The following PLD5 variants were observed in gnomAD, a reference collection of about 807,000 sequenced individuals.
The protein encoded by PLD5 is inactive phospholipase D5.
In PLD5, 36 loss-of-function variants were observed where a neutral mutation model predicts 61.1. The ratio of observed to expected loss-of-function variants is 0.59; its 90% CI spans 0.45 to 0.78. The LOEUF is 0.78. PLD5 is among the 30% of genes least tolerant of loss of function. The probability of loss-of-function intolerance (pLI) is 0.00; values close to 1 mark genes in which losing one functional copy is unlikely to be tolerated. For synonymous variants in PLD5, 243 were observed against 242.8 expected, an observed-to-expected ratio of 1.00 and a Z score of -0.01; for missense variants, 515 against 644.4, an observed-to-expected ratio of 0.80 and a Z score of 2.17.
intron 1 of PLD5, among the ~76,000 whole-genome samples, chr1:242,435,605 A>T (rs1665955806): frequency 6.6e-6 from 1 of 152,200 alleles, no homozygotes; most frequent in African/African-American, 2.4e-5. Flanking sequence ...TATCAAATAA[A>T]GTGTCTTTAA....
intron 5 of PLD5, among the ~76,000 whole-genome samples, chr1:242,181,657 G>GT (rs112861899): frequency 0.031 from 4,666 of 149,586 alleles, 126 homozygotes; most frequent in African/African-American, 0.074. Context: ...CTCTTCAATG[G>GT]TTTTTTTTTG....
chr1:242,180,810 GTC>G (rs1173677782), intron 5 of PLD5, among the ~76,000 whole-genome samples: 1 of 152,074 alleles, frequency 6.6e-6, no homozygotes, highest in Non-Finnish European at 1.5e-5. Flanking sequence ...GGGAGACCCT[GTC>G]TCTACAAATA....
chr1:242,164,877 CTTTTA>C (rs566505836), intron 5 of PLD5, among the ~76,000 whole-genome samples: 30 of 151,258 alleles, frequency 2.0e-4, no homozygotes, highest in Non-Finnish European at 3.8e-4. Context: ...AGGTGCTTTT[CTTTTA>C]TGAGTTTCCT....
chr1:242,462,866 T>C (rs777685289), intron 1 of PLD5, among the ~76,000 whole-genome samples: 2 of 152,200 alleles, frequency 1.3e-5, no homozygotes, highest in African/African-American at 2.4e-5. Flanking sequence ...ATCCACTGAT[T>C]CCTGAGTCAA....
chr1:242,412,103 A>G (rs1572096679), intron 1 of PLD5, among the ~76,000 whole-genome samples: 3 of 152,198 alleles, frequency 2.0e-5, no homozygotes, highest in Non-Finnish European at 1.5e-5. Flanking sequence ...GGAATGACTC[A>G]TCTCATCCTG....
intron 3 of PLD5, among the ~76,000 whole-genome samples, chr1:242,280,660 T>C (rs765864809): frequency 3.9e-5 from 6 of 152,232 alleles, no homozygotes; most frequent in Non-Finnish European, 8.8e-5. Context: ...ATTTAAAGGA[T>C]CTAGTCTCCA....
chr1:242,295,063 G>C (rs1009953896), intron 2 of PLD5, among the ~76,000 whole-genome samples: 2 of 152,100 alleles, frequency 1.3e-5, no homozygotes, highest in Admixed American at 1.3e-4. Context: ...GATGATCTCG[G>C]CTCATCAATA....
At chr1:242,141,149 T>C (rs1664134496) in intron 5 of PLD5, among the ~76,000 whole-genome samples, 1 of 152,192 alleles carries the variant, frequency 6.6e-6, no homozygotes, top group Admixed American at 6.5e-5. Context: ...CTCACAGAGA[T>C]GACTTGTCTT....
chr1:242,313,815 C>CATTGGTT (rs1558455457), intron 2 of PLD5, among the ~76,000 whole-genome samples: 1 of 151,624 alleles, frequency 6.6e-6, no homozygotes, highest in Admixed American at 6.6e-5. Flanking sequence ...CTTCATTGAT[C>CATTGGTT]TTGCACTAGG....
At chr1:242,496,643 T>C in intron 1 of PLD5, among the ~76,000 whole-genome samples, 1 of 152,216 alleles carries the variant, frequency 6.6e-6, no homozygotes, top group East Asian at 1.9e-4. Context: ...TTTTTTCATA[T>C]ACACAACACA....
intron 9 of PLD5, among the ~76,000 whole-genome samples, chr1:242,099,175 G>T (rs1311512819): frequency 6.6e-6 from 1 of 152,108 alleles, no homozygotes; most frequent in Non-Finnish European, 1.5e-5. Context: ...TGGCTGGAGT[G>T]CAGTGGCATG....
At chr1:242,369,663 G>C (rs1248383898) in intron 1 of PLD5, among the ~76,000 whole-genome samples, 1 of 152,160 alleles carries the variant, frequency 6.6e-6, no homozygotes, top group African/African-American at 2.4e-5. Flanking sequence ...TTCGTGGTTT[G>C]CTCTGCATTT....
chr1:242,315,547 A>G (rs1574717646), intron 2 of PLD5, among the ~76,000 whole-genome samples: 1 of 152,290 alleles, frequency 6.6e-6, no homozygotes, highest in Non-Finnish European at 1.5e-5. Context: ...TCTAGGATTC[A>G]ATATTTATAT....
At position 242,513,140 on chromosome 1, in the gene PLD5, A is replaced by C. The variant is rs1318969615; in HGVS notation, c.189+10948T>G. 2.0e-5 allele frequency among the ~76,000 whole-genome samples: 3 copies of C among 152,094 alleles called. No homozygotes were observed. The East Asian group carries it at 5.8e-4, about 29-fold the overall frequency. On this transcript the variant is annotated intron_variant, in intron 1 of 9. Transcript: ENST00000536534. Reference sequence around the variant, plus strand: ...AGCGATCCTCCCAGTCCAGCCTCCCAAAGTGCTGGGATTACAGGCCTGAGT... The same window carrying C: ...AGCGATCCTCCCAGTCCAGCCTCCCCAAGTGCTGGGATTACAGGCCTGAGT...
chr1:242,505,555 T>A (rs1668693532), intron 1 of PLD5, among the ~76,000 whole-genome samples: 2 of 151,964 alleles, frequency 1.3e-5, no homozygotes, highest in Admixed American at 1.3e-4. Flanking sequence ...TTTCTTCATG[T>A]GATTATGATT....
In PLD5 at chr1:242,089,410, A is replaced by AT; in HGVS notation, c.*443_*444insA. ...ACTGTGTAGGTCTTGGAGACGATTT[A>AT]CAAGAATAAACACTTGGTTTTATCA... On this transcript the variant is annotated 3_prime_UTR_variant, in exon 10 of 10. Transcript: ENST00000536534. The AT allele has an allele frequency of 1.0e-5, 4 of 401,956 alleles. No individual in the cohort carries two copies. In the Admixed American group the frequency reaches 1.3e-4, roughly 13 times the overall value. 24.9% of individuals were successfully genotyped at this position (401,956 alleles called of 1,614,324 possible).
intron 1 of PLD5, among the ~76,000 whole-genome samples, chr1:242,427,016 C>T (rs1665466343): frequency 1.3e-5 from 2 of 152,114 alleles, no homozygotes; most frequent in Admixed American, 6.5e-5. Context: ...GGACACAAAG[C>T]CAAAGATGGA....
intron 3 of PLD5, among the ~76,000 whole-genome samples, chr1:242,275,294 C>A (rs1171320739): frequency 6.6e-6 from 1 of 151,138 alleles, no homozygotes; most frequent in African/African-American, 2.4e-5. Context: ...AGATATGAAT[C>A]CCCTTTGGGC....
intron 5 of PLD5, chr1:242,178,402 C>G (rs1249850840): frequency 6.6e-6 from 1 of 152,164 alleles, no homozygotes; most frequent in Non-Finnish European, 1.5e-5. Context: ...TTGCTCTCAT[C>G]TATGGGGTCC....
Sources: gnomAD v4.1 joint callset for allele counts (sites outside exome capture counted in the v4.1 genomes callset) on GRCh38, gnomAD v4.1.1 for gene constraint, MANE v1.5 for transcripts, NCBI Gene and HGNC (gene_info 2026-07-23, HGNC 2026-07-21) for gene names.